The following HPCAL1 variants were observed in gnomAD, a reference collection of about 807,000 sequenced individuals.
HPCAL1 encodes the protein hippocalcin-like protein 1.
A neutral mutation model predicts 17.1 loss-of-function variants in HPCAL1; 8 were observed. The ratio of observed to expected loss-of-function variants is 0.47; its 90% CI spans 0.27 to 0.84. HPCAL1 has a LOEUF of 0.84. HPCAL1 is among the 40% of genes least tolerant of loss of function. The pLI is 0.13. For synonymous variants in HPCAL1, 112 were observed against 111.4 expected, an observed-to-expected ratio of 1.01 and a Z score of -0.03; for missense variants, 165 against 271.1, an observed-to-expected ratio of 0.61 and a Z score of 2.75.
chr2:10,404,492 C>T (rs924303742), intron 2 of HPCAL1, among the ~76,000 whole-genome samples: 1 of 152,218 alleles, frequency 6.6e-6, no homozygotes, highest in African/African-American at 2.4e-5. Flanking sequence ...CAGCAGGATG[C>T]TGCGTTTCCT....
chr2:10,381,786 T>A (rs1007831359), intron 1 of HPCAL1, among the ~76,000 whole-genome samples: 1 of 152,226 alleles, frequency 6.6e-6, no homozygotes, highest in African/African-American at 2.4e-5. Flanking sequence ...AGGGAGGATG[T>A]GAAGCCACAG....
chr2:10,370,092 C>T lies in HPCAL1; in HGVS notation c.-110-26743C>T, dbSNP rs73914057. 1.0e-3 allele frequency among the ~76,000 whole-genome samples: 152 copies of T among 152,360 alleles called. 1 individual carries two copies. Among genetic ancestry groups the T allele is most frequent in the African/African-American group, 3.6e-3 (150 of 41,592 alleles). ...TTGGCCTTCTGCCCAAGTGGAGTCT[C>T]CGCATTCCTTTGTATGGGCCCATTG... On this transcript the variant is annotated intron_variant, in intron 1 of 4. Coordinates refer to ENST00000307845, the MANE Select transcript of HPCAL1 (RefSeq NM_002149.4).
chr2:10,386,627 T>C (rs530722419), intron 1 of HPCAL1, among the ~76,000 whole-genome samples: 11 of 152,242 alleles, frequency 7.2e-5, no homozygotes, highest in Non-Finnish European at 1.2e-4. Flanking sequence ...GATTGAGGAC[T>C]CAGGTGGGTG....
intron 1 of HPCAL1, among the ~76,000 whole-genome samples, chr2:10,375,468 A>G (rs1281450165): frequency 6.6e-6 from 1 of 152,202 alleles, no homozygotes; most frequent in African/African-American, 2.4e-5. Flanking sequence ...GCCAGGGGGC[A>G]TAGGTACGAC....
intron 1 of HPCAL1, among the ~76,000 whole-genome samples, chr2:10,351,249 G>T (rs1238638177): frequency 6.6e-6 from 1 of 152,242 alleles, no homozygotes; most frequent in Admixed American, 6.5e-5. Context: ...TGAGATTCAT[G>T]CTACAACATG....
rs936107824 is a variant in HPCAL1 at position 10,323,640 on chromosome 2, T to C, written c.-111+20463T>C. 6.6e-6 allele frequency among the ~76,000 whole-genome samples: 1 copy of C among 152,228 alleles called. No homozygotes were observed. The highest frequency in any genetic ancestry group is 2.4e-5 in the African/African-American group (1 of 41,462). On this transcript the variant is annotated intron_variant, in intron 1 of 4. Transcript: ENST00000307845. The surrounding 1 kb of genome is among the most constrained non-coding windows in gnomAD (Gnocchi z 4.6). ...GGTAAGCACCAGTTGCGCCTCACTC[T>C]AATGAAAATAATAAAAGCTCAAATG...
chr2:10,334,933 C>T (rs1664626070), intron 1 of HPCAL1, among the ~76,000 whole-genome samples: 1 of 152,246 alleles, frequency 6.6e-6, no homozygotes, highest in Non-Finnish European at 1.5e-5. Context: ...CTGCCTTGGC[C>T]TCCCAAATTG....
At chr2:10,316,854 C>G (rs937964757) in intron 1 of HPCAL1, among the ~76,000 whole-genome samples, 1 of 152,090 alleles carries the variant, frequency 6.6e-6, no homozygotes, top group East Asian at 1.9e-4. Context: ...TATTTATGGT[C>G]TGGAGAAGAA....
At position 10,417,642 on chromosome 2, in the gene HPCAL1, G is replaced by A. The variant is rs563713651; in HGVS notation, c.-24-2092G>A. Among the ~76,000 whole-genome samples the A allele has an allele frequency of 3.9e-4, 59 of 152,344 alleles. No individual in the cohort carries two copies. The East Asian group carries it at 0.011, about 29-fold the overall frequency. ...CAGACCACGTAGGCAATGGCCACCTGCACAGATTATTTGCACAGGTGGGAG... is the reference window on the plus strand; with the variant it reads ...CAGACCACGTAGGCAATGGCCACCTACACAGATTATTTGCACAGGTGGGAG... On this transcript the variant is annotated intron_variant, in intron 2 of 4. Transcript: ENST00000307845.
At chr2:10,404,420 A>G (rs1669848111) in intron 2 of HPCAL1, among the ~76,000 whole-genome samples, 2 of 152,196 alleles carry the variant, frequency 1.3e-5, no homozygotes, top group South Asian at 2.1e-4. Context: ...CGCTCTGGGT[A>G]AGTCTGGGAC....
chr2:10,399,222 AC>A, intron 2 of HPCAL1, among the ~76,000 whole-genome samples: 2 of 135,456 alleles, frequency 1.5e-5, no homozygotes, highest in East Asian at 4.6e-4. Context: ...CACCACCACC[AC>A]CACCACCACC....
chr2:10,329,449 G>T (rs1664217033), intron 1 of HPCAL1, among the ~76,000 whole-genome samples: 1 of 152,160 alleles, frequency 6.6e-6, no homozygotes, highest in Non-Finnish European at 1.5e-5. Flanking sequence ...ACGCAGAGAT[G>T]AAACACTGCT....
chr2:10,390,298 A>C (rs1668607709), intron 1 of HPCAL1, among the ~76,000 whole-genome samples: 1 of 152,206 alleles, frequency 6.6e-6, no homozygotes, highest in African/African-American at 2.4e-5. Flanking sequence ...TCCTCAGGAC[A>C]CATAGGCTCC....
At chr2:10,307,139 A>G (rs1662679419) in intron 1 of HPCAL1, among the ~76,000 whole-genome samples, 1 of 150,940 alleles carries the variant, frequency 6.6e-6, no homozygotes, top group Non-Finnish European at 1.5e-5. Flanking sequence ...GGTCTTCTCC[A>G]GCAAGGGATG....
chr2:10,408,354 G>T (rs1447697116), intron 2 of HPCAL1, among the ~76,000 whole-genome samples: 8 of 152,216 alleles, frequency 5.3e-5, no homozygotes, highest in Admixed American at 5.2e-4. Flanking sequence ...TGGGTAAGAA[G>T]TCAAGAAGGT....
intron 1 of HPCAL1, among the ~76,000 whole-genome samples, chr2:10,386,166 G>A (rs1386612327): frequency 2.6e-5 from 4 of 152,180 alleles, no homozygotes; most frequent in Admixed American, 6.5e-5. Context: ...CCCTGATGTC[G>A]GTTTAGACAT....
At chr2:10,316,692 G>T (rs954243430) in intron 1 of HPCAL1, among the ~76,000 whole-genome samples, 6 of 152,214 alleles carry the variant, frequency 3.9e-5, no homozygotes, top group Non-Finnish European at 7.3e-5. Flanking sequence ...GAACAAAGGA[G>T]AGGGATGCTG....
chr2:10,349,137 T>C (rs1665662935), intron 1 of HPCAL1, among the ~76,000 whole-genome samples: 1 of 152,204 alleles, frequency 6.6e-6, no homozygotes, highest in South Asian at 2.1e-4. Context: ...GTGCAGCGTT[T>C]CCAAATTTCT....
intron 1 of HPCAL1, among the ~76,000 whole-genome samples, chr2:10,307,146 GA>G (rs1456162631): frequency 6.6e-6 from 1 of 152,308 alleles, no homozygotes; most frequent in Middle Eastern, 3.4e-3. Context: ...TCCAGCAAGG[GA>G]TGGGTCTCTG....
Sources: gnomAD v4.1 joint callset for allele counts (sites outside exome capture counted in the v4.1 genomes callset) on GRCh38, gnomAD v4.1.1 for gene constraint, Gnocchi (gnomAD v3.1) non-coding constraint, MANE v1.5 for transcripts, NCBI Gene and HGNC (gene_info 2026-07-23, HGNC 2026-07-21) for gene names.